The following EPHA6 variants were observed in gnomAD, a reference collection of about 807,000 sequenced individuals.
EPHA6 encodes the protein EPH receptor A6.
EPHA6 carries 50 observed loss-of-function variants against 112.0 expected under a neutral mutation model. The observed-to-expected ratio is 0.45, with a 90% confidence interval of 0.36 to 0.56. The LOEUF is 0.56. EPHA6 is among the 20% of genes least tolerant of loss of function. The pLI, the probability that EPHA6 is intolerant of heterozygous loss-of-function variation, is 0.00. For missense variants in EPHA6, 1,280 were observed against 1,417.4 expected (o/e 0.90, Z 1.56); for synonymous variants, 529 against 490.7 (o/e 1.08, Z -1.03).
At chr3:97,687,735 C>G (rs2032358385) in intron 14 of EPHA6, among the ~76,000 whole-genome samples, 1 of 152,212 alleles carries the variant, frequency 6.6e-6, no homozygotes, top group South Asian at 2.1e-4. Flanking sequence ...CCAAAATCCT[C>G]AGAGGCTGAA....
chr3:97,239,985 T>C (rs546910042), intron 4 of EPHA6, among the ~76,000 whole-genome samples: 1 of 151,844 alleles, frequency 6.6e-6, no homozygotes, highest in Non-Finnish European at 1.5e-5. Context: ...TGCATAACCT[T>C]AATGTAATTA....
rs562158215 is a variant in EPHA6 at position 97,589,200 on chromosome 3, A to G, written c.2387-3412A>G. On this transcript the variant is annotated intron_variant, in intron 11 of 17. Coordinates refer to ENST00000389672, the MANE Select transcript of EPHA6 (RefSeq NM_001080448.3). Reference sequence around the variant, plus strand: ...TAGCTCATGATCTCTCGTTAGTGTTAGTGTATTTTATGTGTGGCCCAAGAC... The same window carrying G: ...TAGCTCATGATCTCTCGTTAGTGTTGGTGTATTTTATGTGTGGCCCAAGAC... 9.4e-5 allele frequency among the ~76,000 whole-genome samples: 14 copies of G among 149,434 alleles called. No individual in the cohort carries two copies. In the South Asian group the frequency reaches 3.0e-3, roughly 32 times the overall value.
At chr3:96,981,308 C>A (rs1356698470) in intron 2 of EPHA6, among the ~76,000 whole-genome samples, 2 of 152,116 alleles carry the variant, frequency 1.3e-5, no homozygotes, top group African/African-American at 2.4e-5. Flanking sequence ...TTGAGATAAT[C>A]ATGTGGTTTT....
chr3:97,037,886 A>C (rs1417180990), intron 3 of EPHA6, among the ~76,000 whole-genome samples: 1 of 152,064 alleles, frequency 6.6e-6, no homozygotes, highest in African/African-American at 2.4e-5. Context: ...GTGATAAAAC[A>C]AGGGTATGAT....
intron 3 of EPHA6, among the ~76,000 whole-genome samples, chr3:97,220,296 C>T (rs1430367875): frequency 6.6e-6 from 1 of 152,148 alleles, no homozygotes; most frequent in East Asian, 1.9e-4. Context: ...TCTTCTGAGC[C>T]CTCCAAACTG....
At chr3:97,733,560 A>G (rs533436272) in intron 15 of EPHA6, among the ~76,000 whole-genome samples, 4 of 152,204 alleles carry the variant, frequency 2.6e-5, no homozygotes, top group African/African-American at 7.2e-5. Context: ...AATATTTATT[A>G]ATGTGTCAGG....
Position 97,516,001 on chromosome 3 carries a change from C to G in EPHA6, c.2201-16357C>G, listed in dbSNP as rs534269330. On this transcript the variant is annotated intron_variant, in intron 10 of 17. Transcript: ENST00000389672. ...AAGAAATCCTGCTTCCTGGCCTAGACCTTACGGACCTAGCAATGAAGGATA... is the reference window on the plus strand; with the variant it reads ...AAGAAATCCTGCTTCCTGGCCTAGAGCTTACGGACCTAGCAATGAAGGATA... 4.4e-4 allele frequency among the ~76,000 whole-genome samples: 66 copies of G among 151,334 alleles called. 1 individual carries two copies. The Middle Eastern group carries it at 0.014, about 32-fold the overall frequency.
At chr3:97,462,350 G>C (rs2090918015) in intron 7 of EPHA6, among the ~76,000 whole-genome samples, 1 of 152,044 alleles carries the variant, frequency 6.6e-6, no homozygotes, top group South Asian at 2.1e-4. Context: ...GGACCATCCT[G>C]TGCCGTGAAT....
At chr3:97,605,978 C>G (rs911478859) in intron 12 of EPHA6, among the ~76,000 whole-genome samples, 19 of 151,188 alleles carry the variant, frequency 1.3e-4, no homozygotes, top group Non-Finnish European at 2.7e-4. Context: ...AGTTGAAAAA[C>G]AGGAGATATG....
At chr3:97,377,294 C>T (rs72926396) in intron 5 of EPHA6, among the ~76,000 whole-genome samples, 1,534 of 152,210 alleles carry the variant, frequency 0.01, 27 homozygotes, top group African/African-American at 0.029. Flanking sequence ...TTCTCATTTC[C>T]TCTTGCCACC....
At chr3:97,429,913 A>T (rs1377880378) in intron 6 of EPHA6, among the ~76,000 whole-genome samples, 2 of 152,184 alleles carry the variant, frequency 1.3e-5, no homozygotes, top group East Asian at 3.9e-4. Flanking sequence ...CTGTGGATGC[A>T]GTATTGGCCC....
At position 97,680,760 on chromosome 3, in the gene EPHA6, G is replaced by A. The variant is rs1489668934; in HGVS notation, c.2785-39501G>A. The stretch of plus-strand genomic sequence containing the variant: ...TTAAATAAATGAATGAAGAACAAAT[G>A]AATGTTGGGACTTGGAAATTCTCTC... On this transcript the variant is annotated intron_variant, in intron 14 of 17. Transcript: ENST00000389672. Among the ~76,000 whole-genome samples, 3 of 152,170 alleles carry A rather than the reference G, an allele frequency of 2.0e-5. No homozygotes were observed. In the East Asian group the frequency reaches 5.8e-4, roughly 29 times the overall value.
chr3:97,307,749 A>AAT (rs1553742874), intron 5 of EPHA6, among the ~76,000 whole-genome samples: 6 of 151,136 alleles, frequency 4.0e-5, no homozygotes, highest in African/African-American at 1.2e-4. Context: ...GACAAAAAAA[A>AAT]ATATATATAT....
chr3:96,881,776 C>T (rs1235949613), intron 2 of EPHA6, among the ~76,000 whole-genome samples: 1 of 152,156 alleles, frequency 6.6e-6, no homozygotes. Flanking sequence ...TAATTACTTC[C>T]TGGGTACAGG....
intron 11 of EPHA6, among the ~76,000 whole-genome samples, chr3:97,575,899 G>A (rs1575940926): frequency 1.3e-5 from 2 of 152,094 alleles, no homozygotes; most frequent in Admixed American, 6.6e-5. Context: ...AAGAAAGAGG[G>A]TGACTAAGAA....
intron 3 of EPHA6, among the ~76,000 whole-genome samples, chr3:97,140,308 G>A (rs1291687525): frequency 6.6e-6 from 1 of 152,136 alleles, no homozygotes; most frequent in Non-Finnish European, 1.5e-5. Flanking sequence ...TGCCAGAGAT[G>A]TAGAAATCCA....
chr3:97,089,003 C>T (rs377054582), intron 3 of EPHA6, among the ~76,000 whole-genome samples: 70 of 152,034 alleles, frequency 4.6e-4, no homozygotes, highest in African/African-American at 1.7e-3. Flanking sequence ...TAGAAACTAG[C>T]TTTAGGGCCG....
intron 5 of EPHA6, among the ~76,000 whole-genome samples, chr3:97,378,659 G>T (rs1291891365): frequency 6.6e-6 from 1 of 152,200 alleles, no homozygotes; most frequent in Non-Finnish European, 1.5e-5. Flanking sequence ...GTGTGACCTG[G>T]ATGTCAGACC....
intron 2 of EPHA6, among the ~76,000 whole-genome samples, chr3:96,973,299 T>C (rs1221339198): frequency 6.6e-6 from 1 of 152,176 alleles, no homozygotes; most frequent in African/African-American, 2.4e-5. Context: ...CTAAGCTATA[T>C]GCACACACTA....
Sources: gnomAD v4.1 joint callset for allele counts (sites outside exome capture counted in the v4.1 genomes callset) on GRCh38, gnomAD v4.1.1 for gene constraint, MANE v1.5 for transcripts, NCBI Gene and HGNC (gene_info 2026-07-23, HGNC 2026-07-21) for gene names.